CAB39L: variants seen among roughly 807,000 people sequenced by gnomAD.
CAB39L encodes the protein calcium-binding protein 39-like.
A neutral mutation model predicts 39.1 loss-of-function variants in CAB39L; 23 were observed. The ratio of observed to expected loss-of-function variants is 0.59; its 90% confidence interval spans 0.42 to 0.83. The LOEUF (loss-of-function observed/expected upper bound fraction) is 0.83. Among genes scored for constraint, CAB39L ranks in the 40% least tolerant of loss-of-function variants. The pLI is 0.00. For synonymous variants in CAB39L, 126 were observed against 137.2 expected, an observed-to-expected ratio of 0.92 and a Z score of 0.57; for missense variants, 366 against 391.9, an observed-to-expected ratio of 0.93 and a Z score of 0.56.
At chr13:49,331,452 T>G (rs1593923236) in intron 10 of CAB39L, among the ~76,000 whole-genome samples, 1 of 151,988 alleles carries the variant, frequency 6.6e-6, no homozygotes, top group Non-Finnish European at 1.5e-5. Context: ...GGCAACAGAG[T>G]GAGACTCCAT....
At chr13:49,364,372 C>A (rs56344326) in intron 5 of CAB39L, among the ~76,000 whole-genome samples, 1 of 151,488 alleles carries the variant, frequency 6.6e-6, no homozygotes, top group Non-Finnish European at 1.5e-5. Context: ...ACAACAGTAG[C>A]AGATCTTAGA....
intron 3 of CAB39L, among the ~76,000 whole-genome samples, chr13:49,399,728 A>G (rs540106208): frequency 6.6e-6 from 1 of 152,234 alleles, no homozygotes; most frequent in East Asian, 1.9e-4. Flanking sequence ...TCACTAAGGT[A>G]ACACAGTGAA....
intron 5 of CAB39L, among the ~76,000 whole-genome samples, chr13:49,364,749 AT>A (rs1383355171): frequency 5.3e-5 from 8 of 152,244 alleles, no homozygotes; most frequent in South Asian, 4.1e-4. Flanking sequence ...AAGTAAAAAA[AT>A]CTCCATAATG....
Position 49,379,579 on chromosome 13 carries a change from G to A in CAB39L, c.112-2448C>T, listed in dbSNP as rs1217237609. 3.5e-4 allele frequency among the ~76,000 whole-genome samples: 17 copies of A among 48,410 alleles called. 2 individuals carry two copies. The highest frequency in any genetic ancestry group is 2.4e-3 in the African/African-American group (16 of 6,542). 31.8% of individuals were successfully genotyped at this position (48,410 alleles called of 152,430 possible). On this transcript the variant is annotated intron_variant, in intron 4 of 10. Coordinates refer to ENST00000409308, the MANE Select transcript of CAB39L (RefSeq NM_001079670.3). ...ACTGCGGAAGGCCGCAGGGTCCTCT[G>A]CCTAGGAAAACCAGAGACCTTTGTT...
At chr13:49,380,234 T>C (rs1280324593) in intron 4 of CAB39L, among the ~76,000 whole-genome samples, 1 of 152,216 alleles carries the variant, frequency 6.6e-6, no homozygotes, top group Non-Finnish European at 1.5e-5. Flanking sequence ...TTTGAAGACT[T>C]ATCAGTAGCT....
chr13:49,310,796 CAG>C lies in CAB39L; in HGVS notation c.*16_*17del, dbSNP rs1399467995. The C allele has an allele frequency of 1.2e-6, 2 of 1,610,098 alleles. No homozygotes were observed. The highest frequency in any genetic ancestry group is 1.7e-6 in the Non-Finnish European group (2 of 1,177,710). On this transcript the variant is annotated 3_prime_UTR_variant, in exon 11 of 11. Transcript: ENST00000409308. ...GGACAAATGAGACGACTGACTGTGA[CAG>C]GGGCCGGGGAGCTCTTCAAGGGGCC... is the stretch of plus-strand genomic sequence containing the variant.
chr13:49,314,697 C>T (rs191589432), intron 10 of CAB39L, among the ~76,000 whole-genome samples: 2 of 152,312 alleles, frequency 1.3e-5, no homozygotes, highest in East Asian at 1.9e-4. Context: ...CAGAAGCACA[C>T]AGCCTGGGCC....
chr13:49,425,375 G>C lies in CAB39L; in HGVS notation c.-32+7943C>G, dbSNP rs117876214. Among the ~76,000 whole-genome samples, 1,024 of 152,138 alleles carry C rather than the reference G, an allele frequency of 6.7e-3. 3 individuals are homozygous for C. Among genetic ancestry groups the C allele is most frequent in the Non-Finnish European group, 0.012 (796 of 67,978 alleles). On this transcript the variant is annotated intron_variant, in intron 3 of 10. Coordinates refer to ENST00000409308, the MANE Select transcript of CAB39L (RefSeq NM_001079670.3). ...ACTAGGAGAAATCATTACAAAGCTT[G>C]CTACCCAAAATATCCATATACAAAA...
Position 49,310,681 on chromosome 13 carries a change from T to C in CAB39L, c.*133A>G, listed in dbSNP as rs1953956848. ...TTTCCATTCAAATGTTTATACTCCA[T>C]CTACCCAGAACAATTACAGCAGAAA... On this transcript the variant is annotated 3_prime_UTR_variant, in exon 11 of 11. Transcript: ENST00000409308. 2.5e-6 allele frequency: 2 copies of C among 796,874 alleles called. No individual in the cohort carries two copies. Among genetic ancestry groups the C allele is most frequent in the African/African-American group, 3.4e-5 (2 of 57,976 alleles). 49.4% of individuals were successfully genotyped at this position (796,874 alleles called of 1,614,324 possible).
intron 9 of CAB39L, among the ~76,000 whole-genome samples, chr13:49,332,999 C>T (rs191595260): frequency 8.5e-4 from 130 of 152,082 alleles, no homozygotes; most frequent in African/African-American, 3.0e-3. Context: ...GGAAGAAAAG[C>T]GCACATCAAA....
chr13:49,316,778 G>A (rs1280225514), intron 10 of CAB39L, among the ~76,000 whole-genome samples: 3 of 152,142 alleles, frequency 2.0e-5, no homozygotes, highest in Non-Finnish European at 4.4e-5. Flanking sequence ...GATTTTATTT[G>A]GAAACACAGA....
intron 7 of CAB39L, among the ~76,000 whole-genome samples, chr13:49,345,103 G>A (rs1357262108): frequency 6.6e-6 from 1 of 152,024 alleles, no homozygotes; most frequent in East Asian, 1.9e-4. Flanking sequence ...ATGCTTAGAG[G>A]CTAAATGCCC....
At chr13:49,431,057 C>T (rs982069806) in intron 3 of CAB39L, among the ~76,000 whole-genome samples, 1 of 152,160 alleles carries the variant, frequency 6.6e-6, no homozygotes, top group Non-Finnish European at 1.5e-5. Flanking sequence ...TTAAAGCGTA[C>T]AACTCAAAAA....
intron 5 of CAB39L, among the ~76,000 whole-genome samples, chr13:49,375,175 G>A (rs1287842582): frequency 6.6e-6 from 1 of 151,974 alleles, no homozygotes; most frequent in Non-Finnish European, 1.5e-5. Context: ...ACATATATAT[G>A]TATATATTTT....
chr13:49,372,292 C>T (rs1209708164), intron 5 of CAB39L, among the ~76,000 whole-genome samples: 1 of 152,140 alleles, frequency 6.6e-6, no homozygotes, highest in Non-Finnish European at 1.5e-5. Flanking sequence ...AGGCTTAAAG[C>T]ATTAGATAAA....
chr13:49,378,923 G>A (rs1327992131), intron 4 of CAB39L, among the ~76,000 whole-genome samples: 1 of 14,392 alleles, frequency 6.9e-5, no homozygotes, highest in Non-Finnish European at 1.5e-4. Flanking sequence ...CCGGCCAGCC[G>A]CCCCGTCCGG....
intron 5 of CAB39L, among the ~76,000 whole-genome samples, chr13:49,376,087 C>T (rs1298652053): frequency 2.0e-5 from 3 of 152,204 alleles, no homozygotes; most frequent in Non-Finnish European, 4.4e-5. Flanking sequence ...AAAGCCCTGA[C>T]CTGATCTTGG....
intron 8 of CAB39L, among the ~76,000 whole-genome samples, chr13:49,343,896 A>G (rs1955071694): frequency 6.6e-6 from 1 of 152,154 alleles, no homozygotes; most frequent in Non-Finnish European, 1.5e-5. Context: ...GGAGTTACCT[A>G]CTGCCTCCTT....
chr13:49,329,001 G>A (rs1382391835), intron 10 of CAB39L, among the ~76,000 whole-genome samples: 2 of 151,996 alleles, frequency 1.3e-5, no homozygotes, highest in Admixed American at 1.3e-4. Context: ...ATACTGCAGG[G>A]TAAGATTCTC....
Sources: allele counts gnomAD v4.1 joint callset (sites outside exome capture counted in the v4.1 genomes callset), GRCh38; gene constraint gnomAD v4.1.1; transcripts MANE v1.5; gene names NCBI Gene and HGNC (gene_info 2026-07-23, HGNC 2026-07-21).